Variants in ZNRF1 observed in about 807,000 individuals in gnomAD.
The protein encoded by ZNRF1 is E3 ubiquitin-protein ligase ZNRF1.
In ZNRF1, 3 loss-of-function variants were observed where a neutral mutation model predicts 18.4. That is an observed-to-expected ratio of 0.16 (90% CI 0.07 to 0.42). The LOEUF (loss-of-function observed/expected upper bound fraction) is 0.42, where lower values mean the gene tolerates loss of function less well. Among genes scored for constraint, ZNRF1 ranks in the 10% least tolerant of loss-of-function variants. The probability of loss-of-function intolerance (pLI) is 0.99; values close to 1 mark genes in which losing one functional copy is unlikely to be tolerated. For synonymous variants in ZNRF1, 157 were observed against 144.2 expected (o/e 1.09, Z -0.64); for missense variants, 310 against 329.8 (o/e 0.94, Z 0.47).
intron 1 of ZNRF1, among the ~76,000 whole-genome samples, chr16:75,030,697 C>G (rs2035290336): frequency 1.3e-5 from 2 of 152,128 alleles, no homozygotes; most frequent in Non-Finnish European, 2.9e-5. Flanking sequence ...CACTTTCTGC[C>G]TATGTAAACT....
rs535373332 is a variant in ZNRF1 at position 75,071,951 on chromosome 16, A to G, written c.425-21621A>G. On this transcript the variant is annotated intron_variant, in intron 1 of 4. Coordinates refer to ENST00000335325, the MANE Select transcript of ZNRF1 (RefSeq NM_032268.5). ...CCTGGCTAGCTTTTGCTTATCTTTT[A>G]TTTTTTATTATTTTTGAGATAAGGT... 2.6e-4 allele frequency among the ~76,000 whole-genome samples: 39 copies of G among 151,620 alleles called. No individual in the cohort carries two copies. The South Asian group carries it at 7.9e-3, about 31-fold the overall frequency.
intron 1 of ZNRF1, among the ~76,000 whole-genome samples, chr16:75,010,711 G>GTGTTTTTTTTTTTTTTT (rs1367958306): frequency 2.7e-5 from 2 of 74,324 alleles, no homozygotes; most frequent in African/African-American, 7.8e-5. Flanking sequence ...GTTTTTTTTT[G>GTGTTTTTTTTTTTTTTT]TTTTTTTGTT....
chr16:75,007,935 G>C (rs1377457232), intron 1 of ZNRF1, among the ~76,000 whole-genome samples: 1 of 152,052 alleles, frequency 6.6e-6, no homozygotes, highest in African/African-American at 2.4e-5. Flanking sequence ...GCAAGATCAC[G>C]CTCACTGCAG....
At chr16:75,098,745 A>G (rs1256366022) in intron 2 of ZNRF1, among the ~76,000 whole-genome samples, 1 of 152,166 alleles carries the variant, frequency 6.6e-6, no homozygotes, top group Non-Finnish European at 1.5e-5. Flanking sequence ...TGGGCCCTTC[A>G]TGGCCACCAG....
intron 1 of ZNRF1, among the ~76,000 whole-genome samples, chr16:75,034,569 G>T (rs2035352921): frequency 6.6e-6 from 1 of 152,150 alleles, no homozygotes; most frequent in Admixed American, 6.5e-5. Flanking sequence ...TGTGAACAAT[G>T]CTGTGAACAC....
rs972472813 is a variant in ZNRF1 at position 75,032,405 on chromosome 16, G to A, written c.424+32310G>A. Among the ~76,000 whole-genome samples, 10 of 152,106 alleles carry A rather than the reference G, an allele frequency of 6.6e-5. No homozygotes were observed. In the East Asian group the frequency reaches 1.9e-3, roughly 29 times the overall value. ...ATTACAGGCATGAGCCACTGCACCC[G>A]GCCTTTTCTTGTTTTTATTGGGTCT... On this transcript the variant is annotated intron_variant, in intron 1 of 4. Coordinates refer to ENST00000335325, the MANE Select transcript of ZNRF1 (RefSeq NM_032268.5).
rs1346366688 is a variant in ZNRF1, at chr16:75,109,617, T to TG, written c.*1921dup. 2.0e-5 allele frequency: 3 copies of TG among 152,552 alleles called. No individual in the cohort carries two copies. The highest frequency in any genetic ancestry group is 4.4e-5 in the Non-Finnish European group (3 of 68,090). The allele number at this position is 152,552 out of a possible 1,614,324, so 9.4% of individuals were successfully genotyped here. A position where few individuals can be genotyped will look rare whatever the true frequency, so the allele number is the denominator to read the frequency against. ...CGGGACCCGTCTGGGGTGAAGACCT[T>TG]GGGGCTGTTGTGAGTCGGTGGCAGG... On this transcript the variant is annotated 3_prime_UTR_variant, in exon 5 of 5. Coordinates refer to ENST00000335325, the MANE Select transcript of ZNRF1 (RefSeq NM_032268.5).
chr16:75,089,843 C>A (rs184407913), intron 1 of ZNRF1, among the ~76,000 whole-genome samples: 1 of 152,284 alleles, frequency 6.6e-6, no homozygotes, highest in Admixed American at 6.5e-5. Flanking sequence ...AACTCAACTC[C>A]CCTCCTGCAC....
chr16:75,064,561 GA>G (rs566037984), intron 1 of ZNRF1, among the ~76,000 whole-genome samples: 1,345 of 127,064 alleles, frequency 0.011, 5 homozygotes, highest in African/African-American at 0.028. Context: ...GTCTCCGAGG[GA>G]AAAAAAAAAA....
At chr16:75,091,308 G>T (rs1423854089) in intron 1 of ZNRF1, among the ~76,000 whole-genome samples, 1 of 149,460 alleles carries the variant, frequency 6.7e-6, no homozygotes, top group Non-Finnish European at 1.5e-5. Flanking sequence ...GCAGTGAGCG[G>T]AGATCGTGCC....
At chr16:75,098,045 T>C (rs992110829) in intron 2 of ZNRF1, among the ~76,000 whole-genome samples, 1 of 152,142 alleles carries the variant, frequency 6.6e-6, no homozygotes, top group Non-Finnish European at 1.5e-5. Context: ...CCCAGAGCCA[T>C]TGTTAGATGC....
intron 2 of ZNRF1, among the ~76,000 whole-genome samples, chr16:75,103,897 A>G (rs1448059433): frequency 6.6e-6 from 1 of 151,968 alleles, no homozygotes; most frequent in Non-Finnish European, 1.5e-5. Context: ...AGACAGGAAA[A>G]TCACTTGAAC....
intron 1 of ZNRF1, among the ~76,000 whole-genome samples, chr16:75,003,715 C>T (rs953668296): frequency 1.3e-5 from 2 of 152,164 alleles, no homozygotes; most frequent in Non-Finnish European, 2.9e-5. Context: ...GTGCTAGGCT[C>T]ATCTCCTGGT....
intron 1 of ZNRF1, among the ~76,000 whole-genome samples, chr16:75,010,606 A>T (rs187013006): frequency 6.6e-6 from 1 of 151,966 alleles, no homozygotes; most frequent in African/African-American, 2.4e-5. Context: ...GAGTGCTCCA[A>T]CTTTCTTGTT....
intron 2 of ZNRF1, among the ~76,000 whole-genome samples, chr16:75,096,068 G>A (rs1205688214): frequency 6.1e-5 from 8 of 131,484 alleles, no homozygotes; most frequent in African/African-American, 3.2e-4. Context: ...GCACGTGTGT[G>A]TGTGTGTGTG....
chr16:75,085,382 A>G (rs187993853), intron 1 of ZNRF1, among the ~76,000 whole-genome samples: 50 of 152,304 alleles, frequency 3.3e-4, no homozygotes, highest in African/African-American at 1.1e-3. Context: ...ATAGCTGAGT[A>G]GTGTTTCATT....
At chr16:75,006,517 C>G (rs1008197036) in intron 1 of ZNRF1, among the ~76,000 whole-genome samples, 1 of 152,166 alleles carries the variant, frequency 6.6e-6, no homozygotes, top group Admixed American at 6.5e-5. Context: ...CTCACTGCAA[C>G]GTCCACTTCC....
intron 1 of ZNRF1, among the ~76,000 whole-genome samples, chr16:75,047,232 G>T (rs754362243): frequency 8.5e-5 from 13 of 152,146 alleles, no homozygotes; most frequent in Non-Finnish European, 1.9e-4. Flanking sequence ...GTGTGCAGCG[G>T]CATGATCACA....
chr16:75,074,315 G>T (rs1220746526), intron 1 of ZNRF1, among the ~76,000 whole-genome samples: 1 of 152,138 alleles, frequency 6.6e-6, no homozygotes, highest in East Asian at 1.9e-4. Context: ...ACCCGGTGAG[G>T]CTCCATATGC....
Sources: allele counts gnomAD v4.1 joint callset (sites outside exome capture counted in the v4.1 genomes callset), GRCh38; gene constraint gnomAD v4.1.1; transcripts MANE v1.5; gene names NCBI Gene and HGNC (gene_info 2026-07-23, HGNC 2026-07-21).